PFKFB3: variants seen among roughly 807,000 people sequenced by gnomAD.
The protein encoded by PFKFB3 is 6-phosphofructo-2-kinase/fructose-2,6-bisphosphatase 3.
In PFKFB3, 33 loss-of-function variants were observed where a neutral mutation model predicts 68.0. The ratio of observed to expected loss-of-function variants is 0.49; its 90% CI spans 0.37 to 0.65. The LOEUF (loss-of-function observed/expected upper bound fraction) is 0.65. PFKFB3 is among the 30% of genes least tolerant of loss of function. The probability of loss-of-function intolerance (pLI) is 0.00; values close to 1 mark genes in which losing one functional copy is unlikely to be tolerated. For missense variants in PFKFB3, 586 were observed against 712.2 expected (o/e 0.82, Z 2.02); for synonymous variants, 315 against 288.2 (o/e 1.09, Z -0.94).
intron 1 of PFKFB3, among the ~76,000 whole-genome samples, chr10:6,176,217 CAGAT>C (rs1233331930): frequency 2.0e-5 from 3 of 152,042 alleles, no homozygotes; most frequent in South Asian, 2.1e-4. Flanking sequence ...CCAAGTAAAA[CAGAT>C]AGAAAGTTCA....
the PFKFB3 span, among the ~76,000 whole-genome samples, chr10:6,276,241 A>T: frequency 6.6e-6 from 1 of 152,178 alleles, no homozygotes; most frequent in Non-Finnish European, 1.5e-5. Context: ...AACAAATGGG[A>T]TAATTCTTCA....
chr10:6,174,434 C>T (rs1158958337), intron 1 of PFKFB3, among the ~76,000 whole-genome samples: 3 of 152,218 alleles, frequency 2.0e-5, no homozygotes, highest in Admixed American at 2.0e-4. Context: ...GTCACACTGG[C>T]AGATGGGACG....
intron 1 of PFKFB3, among the ~76,000 whole-genome samples, chr10:6,207,251 C>A (rs1843842459): frequency 6.6e-6 from 1 of 152,242 alleles, no homozygotes. Context: ...GCCCGGCCAA[C>A]ACAGCGAAAC....
intron 14 of PFKFB3, among the ~76,000 whole-genome samples, chr10:6,250,731 G>A (rs1027501473): frequency 3.3e-5 from 5 of 152,140 alleles, no homozygotes; most frequent in Admixed American, 6.5e-5. Context: ...CAGCAGGAAG[G>A]CCCTCACCGG....
intron 1 of PFKFB3, among the ~76,000 whole-genome samples, chr10:6,158,471 G>A (rs1437652886): frequency 6.6e-6 from 1 of 152,226 alleles, no homozygotes; most frequent in African/African-American, 2.4e-5. Context: ...AGTGTTGACA[G>A]AATGTGGACC....
At position 6,222,927 on chromosome 10, in the gene PFKFB3, A is replaced by G; in HGVS notation, c.1156A>G (p.Ile386Val). 6.2e-7 allele frequency: 1 copy of G among 1,613,876 alleles called. No individual in the cohort carries two copies. The highest frequency in any genetic ancestry group is 8.5e-7 in the Non-Finnish European group (1 of 1,179,902). The change falls in exon 11 of 15, where the codon ATC (isoleucine) becomes GTC (valine). Residue 386 changes from isoleucine (I) to valine (V), a missense_variant. By Grantham distance (29) the Ile-to-Val change is conservative. Coordinates refer to ENST00000379775, the MANE Select transcript of PFKFB3 (RefSeq NM_004566.4). ...GGAGCGGCAGGAGAATGTGCTGGTC[A>G]TCTGCCACCAGGCCGTCCTGCGCTG... is the stretch of plus-strand genomic sequence containing the variant. ...ELERQENVLV[I>V]CHQAVLRCLL...
chr10:6,289,476 G>A, the PFKFB3 span, among the ~76,000 whole-genome samples: 4 of 152,048 alleles, frequency 2.6e-5, no homozygotes, highest in South Asian at 8.3e-4. Context: ...TTTCCCCATT[G>A]CTTGTTTTTC....
At chr10:6,148,086 C>A (rs762385621) in intron 1 of PFKFB3, among the ~76,000 whole-genome samples, 1 of 152,242 alleles carries the variant, frequency 6.6e-6, no homozygotes, top group African/African-American at 2.4e-5. Flanking sequence ...CACCAGCACA[C>A]GCTAGGTACC....
Position 6,217,261 on chromosome 10 carries a change from T to C in PFKFB3, c.498+70T>C, listed in dbSNP as rs1588504137. The C allele has an allele frequency of 3.6e-6, 5 of 1,384,924 alleles. No homozygotes were observed. In the East Asian group the frequency reaches 1.1e-4, roughly 32 times the overall value. The allele number at this position is 1,384,924 out of a possible 1,614,324, so 85.8% of individuals were successfully genotyped here. Reference sequence around the variant, plus strand: ...CAAGGGCATTTGCAGTCTGAGGAAGTGGGGGACCGGGTCCGGCTCGGAAGC... The same window carrying C: ...CAAGGGCATTTGCAGTCTGAGGAAGCGGGGGACCGGGTCCGGCTCGGAAGC... On this transcript the variant is annotated intron_variant, in intron 6 of 14. Transcript: ENST00000379775.
intron 1 of PFKFB3, among the ~76,000 whole-genome samples, chr10:6,186,529 T>G (rs945276772): frequency 6.6e-6 from 1 of 152,246 alleles, no homozygotes; most frequent in African/African-American, 2.4e-5. Context: ...TACATGCTAT[T>G]TAGTTATCAG....
chr10:6,276,726 C>T, the PFKFB3 span, among the ~76,000 whole-genome samples: 1 of 151,926 alleles, frequency 6.6e-6, no homozygotes, highest in Admixed American at 6.6e-5. Context: ...TCCTTGTCCC[C>T]TTCCCTCAGT....
At chr10:6,184,308 T>C (rs586233) in intron 1 of PFKFB3, among the ~76,000 whole-genome samples, 109,605 of 151,560 alleles carry the variant, frequency 0.72, 40,051 homozygotes, top group Non-Finnish European at 0.78. Context: ...CTGCCTCAGC[T>C]CCACAAAGTG....
intron 1 of PFKFB3, among the ~76,000 whole-genome samples, chr10:6,157,203 G>A (rs984354536): frequency 2.6e-5 from 4 of 151,810 alleles, no homozygotes; most frequent in African/African-American, 9.7e-5. Flanking sequence ...TAACAACAAA[G>A]GTGTCTGAAT....
At chr10:6,318,136 T>C in the PFKFB3 span, among the ~76,000 whole-genome samples, 1 of 152,228 alleles carries the variant, frequency 6.6e-6, no homozygotes, top group African/African-American at 2.4e-5. Context: ...CTGTGTCTTT[T>C]GGATTTGCAG....
In PFKFB3 at chr10:6,172,554, G is replaced by A. The variant is rs191470022; in HGVS notation, c.16+27541G>A. Among the ~76,000 whole-genome samples, 319 of 152,338 alleles carry A rather than the reference G, an allele frequency of 2.1e-3. 3 individuals are homozygous for A. The highest frequency in any genetic ancestry group is 3.4e-3 in the Middle Eastern group (1 of 294). ...GGAAACCGGGGTGCTGAATGATTAA[G>A]TGACTTATCCAAGACCACAGGGCTT... On this transcript the variant is annotated intron_variant, in intron 1 of 14. Transcript: ENST00000379789.
chr10:6,233,102 T>C lies in PFKFB3; in HGVS notation c.*160T>C. 1.6e-6 allele frequency: 1 copy of C among 637,822 alleles called. No homozygotes were observed. Among genetic ancestry groups the C allele is most frequent in the Non-Finnish European group, 2.8e-6 (1 of 358,614 alleles). 39.5% of individuals were successfully genotyped at this position (637,822 alleles called of 1,614,324 possible). ...AGAGAACCATGCTTGGCACCGTCTG[T>C]GTCCCCTCGGCCGCTGGACACCAGA... On this transcript the variant is annotated 3_prime_UTR_variant, in exon 15 of 15. Transcript: ENST00000379775.
chr10:6,255,719 C>A (rs1444165797), downstream of PFKFB3, among the ~76,000 whole-genome samples: 1 of 152,292 alleles, frequency 6.6e-6, no homozygotes, highest in Admixed American at 6.5e-5. Flanking sequence ...ATGTTCTGAA[C>A]AACAGCAGTC....
At chr10:6,281,793 A>G in the PFKFB3 span, among the ~76,000 whole-genome samples, 1 of 152,252 alleles carries the variant, frequency 6.6e-6, no homozygotes, top group South Asian at 2.1e-4. Context: ...CTAGACCCAC[A>G]AGGCTGAAGC....
chr10:6,281,313 C>G, the PFKFB3 span, among the ~76,000 whole-genome samples: 1 of 151,596 alleles, frequency 6.6e-6, no homozygotes, highest in African/African-American at 2.4e-5. Context: ...TGTTTTGTTA[C>G]AACAGCCAGC....
Sources: gnomAD v4.1 joint callset for allele counts (sites outside exome capture counted in the v4.1 genomes callset) on GRCh38, gnomAD v4.1.1 for gene constraint, MANE v1.5 for transcripts, NCBI Gene and HGNC (gene_info 2026-07-23, HGNC 2026-07-21) for gene names.